Variants in SEMA4D observed in about 807,000 individuals in gnomAD.
SEMA4D encodes semaphorin-4D.
Under a neutral mutation model 74.8 loss-of-function variants are expected in SEMA4D, and 22 were observed. The ratio of observed to expected loss-of-function variants is 0.29; its 90% CI spans 0.21 to 0.42. The LOEUF (loss-of-function observed/expected upper bound fraction) is 0.42. SEMA4D is among the 10% of genes least tolerant of loss of function. The probability of loss-of-function intolerance (pLI) is 1.00; values close to 1 mark genes in which losing one functional copy is unlikely to be tolerated. For missense variants in SEMA4D, 937 were observed against 1,118.4 expected, an observed-to-expected ratio of 0.84 and a Z score of 2.31; for synonymous variants, 445 against 463.7, an observed-to-expected ratio of 0.96 and a Z score of 0.52.
chr9:89,444,886 G>T (rs1011846635), intron 2 of SEMA4D, among the ~76,000 whole-genome samples: 1 of 152,032 alleles, frequency 6.6e-6, no homozygotes, highest in Non-Finnish European at 1.5e-5. Context: ...GCAGAAGAAA[G>T]AAGATCAATA....
intron 1 of SEMA4D, among the ~76,000 whole-genome samples, chr9:89,460,055 C>T (rs962497153): frequency 1.3e-5 from 2 of 152,214 alleles, no homozygotes; most frequent in African/African-American, 4.8e-5. Context: ...CAGGATAAGG[C>T]CAGACACAGA....
intron 1 of SEMA4D, among the ~76,000 whole-genome samples, chr9:89,471,853 C>T (rs898159310): frequency 2.9e-5 from 4 of 137,026 alleles, no homozygotes; most frequent in Admixed American, 7.3e-5. Context: ...CAGGTGCATG[C>T]CAACTCAGGT....
At chr9:89,426,056 CAGAGGCATCCCT>C (rs1361755971) in intron 2 of SEMA4D, among the ~76,000 whole-genome samples, 2 of 152,254 alleles carry the variant, frequency 1.3e-5, no homozygotes, top group East Asian at 3.8e-4. Context: ...GCCCTGCACT[CAGAGGCATCCCT>C]AGTCCCCACC....
chr9:89,425,455 T>G (rs1847900661), intron 2 of SEMA4D, among the ~76,000 whole-genome samples: 1 of 152,136 alleles, frequency 6.6e-6, no homozygotes, highest in African/African-American at 2.4e-5. Flanking sequence ...TCTGCGAGGG[T>G]CAGGCTGTGA....
intron 1 of SEMA4D, among the ~76,000 whole-genome samples, chr9:89,464,202 A>G (rs1279806338): frequency 1.3e-5 from 2 of 152,194 alleles, no homozygotes; most frequent in African/African-American, 2.4e-5. Context: ...GCTCTCAGGG[A>G]CCAAGGACAC....
intron 2 of SEMA4D, among the ~76,000 whole-genome samples, chr9:89,422,523 C>T (rs945036959): frequency 1.3e-5 from 2 of 152,222 alleles, no homozygotes; most frequent in Admixed American, 6.5e-5. Flanking sequence ...GAAGAGGGCC[C>T]GCGTGGGTCA....
At chr9:89,415,162 C>T (rs1845444072) in intron 2 of SEMA4D, among the ~76,000 whole-genome samples, 1 of 152,208 alleles carries the variant, frequency 6.6e-6, no homozygotes, top group Admixed American at 6.5e-5. Flanking sequence ...GACTTGGATA[C>T]AGACAATACT....
intron 12 of SEMA4D, 82 bp downstream of exon 12, chr9:89,387,304 G>T: frequency 8.1e-7 from 1 of 1,235,158 alleles, no homozygotes; most frequent in Non-Finnish European, 1.1e-6. Flanking sequence ...ACTCACGAAA[G>T]AATAATTGGA....
chr9:89,475,578 C>T (rs935303999), intron 1 of SEMA4D, among the ~76,000 whole-genome samples: 44 of 152,220 alleles, frequency 2.9e-4, no homozygotes, highest in African/African-American at 1.0e-3. Context: ...GAAGAGCCAC[C>T]TTTACCAGTC....
chr9:89,442,856 G>A (rs966053851), intron 2 of SEMA4D, among the ~76,000 whole-genome samples: 11 of 152,182 alleles, frequency 7.2e-5, no homozygotes, highest in African/African-American at 2.7e-4. Flanking sequence ...GTCAATGCTG[G>A]GGACCCTGGT....
intron 2 of SEMA4D, among the ~76,000 whole-genome samples, chr9:89,419,023 C>T (rs1846336711): frequency 1.3e-5 from 2 of 149,914 alleles, no homozygotes; most frequent in South Asian, 4.2e-4. Context: ...CGGCTCCCTC[C>T]TCTACAGACG....
chr9:89,449,350 C>T (rs1393964867), intron 2 of SEMA4D, among the ~76,000 whole-genome samples: 2 of 152,184 alleles, frequency 1.3e-5, no homozygotes, highest in African/African-American at 4.8e-5. Flanking sequence ...TCCAAGGGCA[C>T]CAAAGAGCAG....
At chr9:89,382,737 A>T (rs550953587) in intron 13 of SEMA4D, among the ~76,000 whole-genome samples, 5 of 152,242 alleles carry the variant, frequency 3.3e-5, no homozygotes, top group Non-Finnish European at 7.3e-5. Context: ...AAGCTGGGTA[A>T]CTTCCAAGGG....
intron 8 of SEMA4D, 58 bp from the exon 9 acceptor site, chr9:89,391,473 C>T: frequency 6.3e-7 from 1 of 1,587,492 alleles, no homozygotes; most frequent in Admixed American, 1.7e-5. Flanking sequence ...TGCCTGCACC[C>T]ATGAGGTCAC....
chr9:89,428,535 G>A (rs115347193), intron 2 of SEMA4D, among the ~76,000 whole-genome samples: 3 of 152,244 alleles, frequency 2.0e-5, no homozygotes, highest in South Asian at 2.1e-4. Context: ...ACGAGGAACC[G>A]GCCCCTTCAT....
chr9:89,391,507 G>A (rs1383949076), intron 8 of SEMA4D, 92 bp from the exon 9 acceptor site: 1 of 1,231,188 alleles, frequency 8.1e-7, no homozygotes, highest in Non-Finnish European at 1.2e-6. Context: ...ACTACCTTGG[G>A]GGCCTGAGGG....
intron 1 of SEMA4D, among the ~76,000 whole-genome samples, chr9:89,475,972 A>G (rs1563975304): frequency 1.3e-5 from 2 of 152,234 alleles, no homozygotes; most frequent in African/African-American, 4.8e-5. Context: ...AATGGTCCCC[A>G]GAGGCACCTA....
intron 1 of SEMA4D, among the ~76,000 whole-genome samples, chr9:89,485,810 A>AG (rs1564008238): frequency 4.6e-5 from 5 of 107,996 alleles, no homozygotes; most frequent in South Asian, 2.5e-4. Flanking sequence ...AAAAAAAAAA[A>AG]AAAAGAAAAA....
At chr9:89,428,050 G>T (rs1166810474) in intron 2 of SEMA4D, among the ~76,000 whole-genome samples, 1 of 152,182 alleles carries the variant, frequency 6.6e-6, no homozygotes, top group Non-Finnish European at 1.5e-5. Flanking sequence ...CTGTAGGCGT[G>T]GGTGGCTTAG....
Sources: allele counts gnomAD v4.1 joint callset (sites outside exome capture counted in the v4.1 genomes callset), GRCh38; gene constraint gnomAD v4.1.1; transcripts MANE v1.5; gene names NCBI Gene and HGNC (gene_info 2026-07-23, HGNC 2026-07-21).